The following BANK1 variants were observed in gnomAD, a reference collection of about 807,000 sequenced individuals.
BANK1 encodes the protein B-cell scaffold protein with ankyrin repeats.
In BANK1, 95 loss-of-function variants were observed where a neutral mutation model predicts 94.5. The observed-to-expected ratio is 1.00, with a 90% confidence interval of 0.85 to 1.19. BANK1 has a LOEUF of 1.19. Among genes scored for constraint, BANK1 ranks in the 50% most tolerant of loss-of-function variants. The pLI is 0.00. For missense variants in BANK1, 987 were observed against 932.2 expected (o/e 1.06, Z -0.77); for synonymous variants, 334 against 308.4 (o/e 1.08, Z -0.87).
intron 7 of BANK1, among the ~76,000 whole-genome samples, chr4:102,004,781 T>G (rs1024040579): frequency 1.3e-5 from 2 of 152,166 alleles, no homozygotes; most frequent in Non-Finnish European, 2.9e-5. Flanking sequence ...TGTGTGGCTT[T>G]AGAAAAATTA....
chr4:101,994,644 C>G (rs1725815313), intron 7 of BANK1, among the ~76,000 whole-genome samples: 1 of 152,156 alleles, frequency 6.6e-6, no homozygotes. Context: ...ATTATTCCAA[C>G]TCCCTCATTT....
intron 16 of BANK1, 36 bp from the exon 17 acceptor site, chr4:102,073,969 T>G (rs1428883432): frequency 2.7e-6 from 1 of 372,964 alleles, no homozygotes; most frequent in African/African-American, 2.1e-5. Flanking sequence ...GATGAGCTAT[T>G]ATTCACTAAT....
At chr4:102,052,943 A>G (rs1247550228) in intron 11 of BANK1, among the ~76,000 whole-genome samples, 4 of 152,238 alleles carry the variant, frequency 2.6e-5, no homozygotes, top group Non-Finnish European at 5.9e-5. Context: ...AACATGCGAC[A>G]TGAAGAAAAG....
At chr4:101,799,366 C>A (rs1262409037) in intron 1 of BANK1, among the ~76,000 whole-genome samples, 1 of 152,088 alleles carries the variant, frequency 6.6e-6, no homozygotes, top group Non-Finnish European at 1.5e-5. Context: ...TTACTGTAGC[C>A]TTGTAGTATA....
intron 3 of BANK1, among the ~76,000 whole-genome samples, chr4:101,856,262 A>C (rs1727676105): frequency 6.6e-6 from 1 of 152,202 alleles, no homozygotes; most frequent in African/African-American, 2.4e-5. Flanking sequence ...ATTTGCTGTC[A>C]GTTCCAGAGG....
intron 11 of BANK1, among the ~76,000 whole-genome samples, chr4:102,053,475 A>G (rs1311170569): frequency 2.0e-5 from 3 of 152,148 alleles, no homozygotes; most frequent in Non-Finnish European, 4.4e-5. Context: ...ATGGACTACC[A>G]AGTTTATTTG....
intron 1 of BANK1, among the ~76,000 whole-genome samples, chr4:101,802,194 C>G (rs1725377204): frequency 6.6e-6 from 1 of 152,214 alleles, no homozygotes; most frequent in Admixed American, 6.5e-5. Context: ...CACGCCCTTC[C>G]CAGTACTTCC....
rs116105331 is a variant in BANK1 at position 102,048,782 on chromosome 4, C to T, written c.1969+4875C>T. 7.9e-3 allele frequency among the ~76,000 whole-genome samples: 1,208 copies of T among 152,088 alleles called. 18 individuals carry two copies. Among genetic ancestry groups the T allele is most frequent in the African/African-American group, 0.028 (1,147 of 41,492 alleles). On this transcript the variant is annotated intron_variant, in intron 11 of 16. Coordinates refer to ENST00000322953, the MANE Select transcript of BANK1 (RefSeq NM_017935.5). ...AAGTTTAAGACTGGCAAGGGATTGC[C>T]AGGAAGTTACATTATTGCTAAGTCA...
At chr4:101,991,419 T>C (rs1042759559) in intron 7 of BANK1, among the ~76,000 whole-genome samples, 3 of 152,168 alleles carry the variant, frequency 2.0e-5, no homozygotes, top group Admixed American at 1.3e-4. Context: ...TATTCCTGGG[T>C]GGATAAGTTG....
intron 6 of BANK1, among the ~76,000 whole-genome samples, chr4:101,901,541 A>C (rs1722282402): frequency 6.6e-6 from 1 of 152,216 alleles, no homozygotes; most frequent in South Asian, 2.1e-4. Context: ...GATATTGGGA[A>C]AGGTATGACT....
intron 2 of BANK1, among the ~76,000 whole-genome samples, chr4:101,851,188 G>A (rs559191653): frequency 7.7e-4 from 118 of 152,276 alleles, no homozygotes; most frequent in African/African-American, 2.7e-3. Context: ...CTACTCCAGT[G>A]AACACACAAA....
At chr4:101,943,905 CTT>C (rs1268346085) in intron 7 of BANK1, among the ~76,000 whole-genome samples, 1 of 151,754 alleles carries the variant, frequency 6.6e-6, no homozygotes, top group Non-Finnish European at 1.5e-5. Flanking sequence ...CATCTTTAGT[CTT>C]TCGTGTCCTC....
intron 7 of BANK1, among the ~76,000 whole-genome samples, chr4:101,958,981 G>A (rs73834511): frequency 6.6e-6 from 1 of 152,124 alleles, no homozygotes; most frequent in East Asian, 1.9e-4. Flanking sequence ...ACTTGCGGAT[G>A]GTCCTGTAAA....
At chr4:102,034,638 C>G (rs1056760342) in intron 10 of BANK1, among the ~76,000 whole-genome samples, 1 of 152,192 alleles carries the variant, frequency 6.6e-6, no homozygotes, top group Non-Finnish European at 1.5e-5. Context: ...TCTAACAGAA[C>G]AAGTTGGCTT....
At chr4:101,937,765 T>G (rs1027058751) in intron 7 of BANK1, among the ~76,000 whole-genome samples, 4 of 151,964 alleles carry the variant, frequency 2.6e-5, no homozygotes, top group Non-Finnish European at 5.9e-5. Flanking sequence ...TTATAAATCA[T>G]TCTACTATGA....
At chr4:102,067,077 GTC>G (rs1374937362) in intron 13 of BANK1, among the ~76,000 whole-genome samples, 2 of 152,168 alleles carry the variant, frequency 1.3e-5, no homozygotes, top group East Asian at 3.9e-4. Flanking sequence ...GTATACTACT[GTC>G]TCAAAATCTA....
chr4:101,986,889 G>A (rs1365444327), intron 7 of BANK1, among the ~76,000 whole-genome samples: 32 of 95,538 alleles, frequency 3.3e-4, no homozygotes, highest in East Asian at 1.5e-3. Flanking sequence ...GTGTGTGTGT[G>A]TGTGTGTGTG....
intron 11 of BANK1, among the ~76,000 whole-genome samples, chr4:102,047,655 T>C (rs1428313319): frequency 2.0e-5 from 3 of 152,170 alleles, no homozygotes; most frequent in Non-Finnish European, 4.4e-5. Context: ...TGAAGTGTTT[T>C]TCTTATAAAT....
chr4:101,827,019 C>T lies in BANK1; in HGVS notation c.71-2789C>T, dbSNP rs181718017. Among the ~76,000 whole-genome samples, 6 of 151,922 alleles carry T rather than the reference C, an allele frequency of 3.9e-5. No individual in the cohort carries two copies. The East Asian group carries it at 1.2e-3, about 29-fold the overall frequency. ...CTCTGTTTTCAGAGGAAGAAGATGACAAGAGTTTGGCGTTTCACTCTTTGT... is the reference window on the plus strand; with the variant it reads ...CTCTGTTTTCAGAGGAAGAAGATGATAAGAGTTTGGCGTTTCACTCTTTGT... On this transcript the variant is annotated intron_variant, in intron 1 of 16. Coordinates refer to ENST00000322953, the MANE Select transcript of BANK1 (RefSeq NM_017935.5).
Sources: gnomAD v4.1 joint callset for allele counts (sites outside exome capture counted in the v4.1 genomes callset) on GRCh38, gnomAD v4.1.1 for gene constraint, MANE v1.5 for transcripts, NCBI Gene and HGNC (gene_info 2026-07-23, HGNC 2026-07-21) for gene names.